CAST: variants seen among roughly 807,000 people sequenced by gnomAD.
CAST encodes the protein MIR583 host.
Under a neutral mutation model 119.6 loss-of-function variants are expected in CAST, and 76 were observed. That is an observed-to-expected ratio of 0.64 (90% CI 0.53 to 0.77). The LOEUF (loss-of-function observed/expected upper bound fraction) is 0.77, where lower values mean the gene tolerates loss of function less well. Among genes scored for constraint, CAST ranks in the 30% least tolerant of loss-of-function variants. CAST has a pLI of 0.00. For missense variants in CAST, 953 were observed against 946.5 expected, an observed-to-expected ratio of 1.01 and a Z score of -0.09; for synonymous variants, 319 against 331.6, an observed-to-expected ratio of 0.96 and a Z score of 0.41.
the CAST span, among the ~76,000 whole-genome samples, chr5:96,462,744 G>C: frequency 6.6e-6 from 1 of 152,090 alleles, no homozygotes; most frequent in Non-Finnish European, 1.5e-5. Flanking sequence ...TAATCCCCAT[G>C]TGTCAAGGGA....
chr5:96,766,242 A>T (rs1769896476), intron 27 of CAST, 97 bp downstream of exon 27: 2 of 677,152 alleles, frequency 3.0e-6, no homozygotes, highest in Non-Finnish European at 2.6e-6. Flanking sequence ...CCTTTACAAT[A>T]GCATAAAACA....
the CAST span, among the ~76,000 whole-genome samples, chr5:96,108,340 C>T: frequency 1.2e-3 from 177 of 152,228 alleles, 1 homozygote; most frequent in African/African-American, 4.0e-3. Flanking sequence ...CTGTTTTTTC[C>T]CCATCTTTGT....
At chr5:96,191,672 C>G in the CAST span, among the ~76,000 whole-genome samples, 1 of 152,188 alleles carries the variant, frequency 6.6e-6, no homozygotes, top group East Asian at 1.9e-4. Flanking sequence ...CAGGTTCAAG[C>G]GACTCTTCTC....
the CAST span, among the ~76,000 whole-genome samples, chr5:96,154,400 T>C: frequency 3.9e-5 from 6 of 152,186 alleles, no homozygotes; most frequent in Admixed American, 3.9e-4. Flanking sequence ...TTAGAACTGT[T>C]TTACATTTAT....
At chr5:96,315,587 C>T in the CAST span, among the ~76,000 whole-genome samples, 1 of 152,146 alleles carries the variant, frequency 6.6e-6, no homozygotes, top group Admixed American at 6.5e-5. Context: ...AAGATGGCAC[C>T]ATTTAAAGGT....
chr5:96,422,966 G>A, the CAST span, among the ~76,000 whole-genome samples: 1 of 150,874 alleles, frequency 6.6e-6, no homozygotes, highest in African/African-American at 2.5e-5. Flanking sequence ...GGGAAACTGT[G>A]ACAATGATCT....
At chr5:96,139,844 T>C in the CAST span, among the ~76,000 whole-genome samples, 1 of 152,208 alleles carries the variant, frequency 6.6e-6, no homozygotes, top group Non-Finnish European at 1.5e-5. Flanking sequence ...GTATTAAATT[T>C]TTATTGCAGT....
At chr5:96,083,799 C>T in the CAST span, among the ~76,000 whole-genome samples, 7 of 152,162 alleles carry the variant, frequency 4.6e-5, no homozygotes, top group Non-Finnish European at 8.8e-5. Flanking sequence ...GATGAAAATA[C>T]GATTAGCCCT....
At chr5:96,514,812 C>T in the CAST span, among the ~76,000 whole-genome samples, 1 of 152,230 alleles carries the variant, frequency 6.6e-6, no homozygotes, top group Non-Finnish European at 1.5e-5. Flanking sequence ...AGTGCAGTGG[C>T]ACAATCTCTG....
chr5:96,422,324 G>T, the CAST span, among the ~76,000 whole-genome samples: 3 of 152,252 alleles, frequency 2.0e-5, no homozygotes, highest in Middle Eastern at 6.8e-3. Flanking sequence ...AGGCCATAAA[G>T]CTAGTTAGTG....
chr5:96,661,934 T>G (rs1442778889), upstream of CAST: 1 of 154,682 alleles, frequency 6.5e-6, no homozygotes, highest in Non-Finnish European at 1.4e-5. Context: ...GGGCCAGATT[T>G]GAGTTGGTAA....
At chr5:96,541,992 T>C (rs1335995165) in intron 1 of CAST, among the ~76,000 whole-genome samples, 16 of 152,324 alleles carry the variant, frequency 1.1e-4, no homozygotes, top group Non-Finnish European at 2.1e-4. Flanking sequence ...AGCAGTGCAA[T>C]TGCGGGATCA....
At chr5:96,730,751 C>G (rs1429806062) in intron 8 of CAST, 29 bp from the exon 9 acceptor site, 3 of 1,541,850 alleles carry the variant, frequency 1.9e-6, no homozygotes, top group South Asian at 2.2e-5. Flanking sequence ...ATACTTAGCT[C>G]TGTCAACCTT....
At chr5:96,010,504 G>A in the CAST span, among the ~76,000 whole-genome samples, 1 of 152,098 alleles carries the variant, frequency 6.6e-6, no homozygotes, top group African/African-American at 2.4e-5. Context: ...TAGAGGTGGG[G>A]TTTCACCATG....
chr5:96,412,341 C>A, the CAST span: 1 of 1,614,182 alleles, frequency 6.2e-7, no homozygotes, highest in Non-Finnish European at 8.5e-7. Context: ...TATTCAAAAG[C>A]CTTCTGGGCT....
chr5:96,160,405 T>C, the CAST span, among the ~76,000 whole-genome samples: 1 of 152,152 alleles, frequency 6.6e-6, no homozygotes, highest in Non-Finnish European at 1.5e-5. Flanking sequence ...GCATAATGAT[T>C]TCAAGGTTCA....
the CAST span, chr5:95,964,859 A>G: frequency 6.6e-6 from 1 of 151,538 alleles, no homozygotes; most frequent in African/African-American, 2.5e-5. Flanking sequence ...CTGTCATATA[A>G]GACAGTTCAG....
At chr5:96,282,904 C>T in the CAST span, among the ~76,000 whole-genome samples, 87 of 151,574 alleles carry the variant, frequency 5.7e-4, 1 homozygote, top group Middle Eastern at 3.4e-3. Flanking sequence ...CCGAGGCGGG[C>T]GGATCACGAG....
chr5:96,764,415 ATTG>A (rs1561612400), intron 25 of CAST, among the ~76,000 whole-genome samples: 1 of 152,182 alleles, frequency 6.6e-6, no homozygotes, highest in East Asian at 1.9e-4. Flanking sequence ...TTACAGTGAT[ATTG>A]TTGTCCATAA....
Sources: gnomAD v4.1 joint callset for allele counts (sites outside exome capture counted in the v4.1 genomes callset) on GRCh38, gnomAD v4.1.1 for gene constraint, MANE v1.5 for transcripts, NCBI Gene and HGNC (gene_info 2026-07-23, HGNC 2026-07-21) for gene names.